KALRN: variants seen among roughly 807,000 people sequenced by gnomAD.
KALRN encodes kalirin.
In KALRN, 70 loss-of-function variants were observed where a neutral mutation model predicts 353.7. That is an observed-to-expected ratio of 0.20 (90% confidence interval 0.16 to 0.24). The LOEUF (loss-of-function observed/expected upper bound fraction) is 0.24, where lower values mean the gene tolerates loss of function less well. KALRN is among the 10% of genes least tolerant of loss of function. KALRN has a pLI of 1.00. For missense variants in KALRN, 2,791 were observed against 3,756.7 expected (o/e 0.74, Z 6.72); for synonymous variants, 1,391 against 1,434.8 (o/e 0.97, Z 0.69).
chr3:124,334,208 C>A lies in KALRN; in HGVS notation c.1417-57C>A. 1 of 1,445,326 alleles carries A rather than the reference C, an allele frequency of 6.9e-7. No homozygotes were observed. The highest frequency in any genetic ancestry group is 1.2e-5 in the South Asian group (1 of 86,656). The allele number at this position is 1,445,326 out of a possible 1,614,324, so 89.5% of individuals were successfully genotyped here. On this transcript the variant is annotated intron_variant, in intron 8 of 59. Coordinates refer to ENST00000682506, the MANE Select transcript of KALRN (RefSeq NM_001388419.1). The surrounding 1 kb of genome is among the most constrained non-coding windows in gnomAD (Gnocchi z 4.2). ...CCTCAGGCAGACACTTCCTGCTTCTCTCTGTGCCCTGCCTATCACCCTTTT... is the reference window on the plus strand; with the variant it reads ...CCTCAGGCAGACACTTCCTGCTTCTATCTGTGCCCTGCCTATCACCCTTTT...
intron 37 of KALRN, among the ~76,000 whole-genome samples, chr3:124,645,670 G>A (rs2082628666): frequency 6.6e-6 from 1 of 151,664 alleles, no homozygotes; most frequent in Non-Finnish European, 1.5e-5. Flanking sequence ...GTGCGTGTGT[G>A]TGTGTGTGTA....
chr3:124,411,497 A>T (rs973798412), intron 13 of KALRN, among the ~76,000 whole-genome samples: 2 of 127,178 alleles, frequency 1.6e-5, no homozygotes, highest in African/African-American at 3.0e-5. Context: ...GCTGGAGTGC[A>T]GTAGCATAAT....
In KALRN at chr3:124,658,447, T is replaced by G; in HGVS notation, c.6053T>G (p.Ile2018Ser). 1.9e-6 allele frequency: 3 copies of G among 1,613,706 alleles called. No homozygotes were observed. The highest frequency in any genetic ancestry group is 1.7e-6 in the Non-Finnish European group (2 of 1,179,602). ...CTCTTTCAGGAGCGGAAGCTGCACA[T>G]CTACGTGTGGTATTGTCAGAATAAG... ...LFIKHERKLH[I>S]YVWYCQNKPR... Residue 2018 changes from isoleucine to serine, a missense_variant, in exon 42 of 60, where the codon ATC (isoleucine) becomes AGC (serine). Physicochemically the swap from Ile to Ser is moderately radical, Grantham distance 142. This residue lies in a region of KALRN where 1,065 missense variants were observed against 1,156.4 expected (regional missense o/e 0.92). Coordinates refer to ENST00000682506, the MANE Select transcript of KALRN (RefSeq NM_001388419.1).
chr3:124,317,768 A>C (rs2078956624), intron 6 of KALRN, among the ~76,000 whole-genome samples: 1 of 151,606 alleles, frequency 6.6e-6, no homozygotes, highest in African/African-American at 2.4e-5. Flanking sequence ...GTTGGGGATA[A>C]AATGCTGATA....
chr3:124,659,999 A>G (rs1261097688), intron 43 of KALRN, among the ~76,000 whole-genome samples: 1 of 151,842 alleles, frequency 6.6e-6, no homozygotes, highest in Admixed American at 6.6e-5. Flanking sequence ...TGACACAGTC[A>G]TAGCTCACTG....
intron 1 of KALRN, among the ~76,000 whole-genome samples, chr3:124,157,956 T>A (rs752422267): frequency 6.6e-6 from 1 of 152,174 alleles, no homozygotes; most frequent in Non-Finnish European, 1.5e-5. Context: ...CCTCCTGTGA[T>A]GGAGTACAGA....
chr3:124,295,268 C>T (rs1232213329), intron 5 of KALRN, among the ~76,000 whole-genome samples: 3 of 152,168 alleles, frequency 2.0e-5, no homozygotes, highest in Non-Finnish European at 4.4e-5. Context: ...AGATGTGTAT[C>T]ACCTCTTTGG....
chr3:124,083,938 A>G (rs2060671362), intron 1 of KALRN, among the ~76,000 whole-genome samples: 1 of 152,214 alleles, frequency 6.6e-6, no homozygotes, highest in Admixed American at 6.5e-5. Flanking sequence ...GTCTCATCCT[A>G]TGTGAACAGG....
At chr3:124,408,120 G>A (rs556166279) in intron 13 of KALRN, among the ~76,000 whole-genome samples, 34 of 152,268 alleles carry the variant, frequency 2.2e-4, no homozygotes, top group Non-Finnish European at 3.5e-4. Flanking sequence ...AAGGCAGTGC[G>A]TTTTCTTGCA....
At chr3:124,465,647 C>T (rs570628410) in intron 25 of KALRN, among the ~76,000 whole-genome samples, 10 of 152,182 alleles carry the variant, frequency 6.6e-5, no homozygotes, top group African/African-American at 1.4e-4. Context: ...AATACTTGTC[C>T]GAAATTGTCA....
chr3:124,667,622 C>A (rs1480156369), intron 47 of KALRN, among the ~76,000 whole-genome samples: 1 of 152,218 alleles, frequency 6.6e-6, no homozygotes, highest in Non-Finnish European at 1.5e-5. Context: ...CTGCTCCCAA[C>A]AGTGTGAGAG....
intron 6 of KALRN, among the ~76,000 whole-genome samples, chr3:124,309,688 G>A (rs1330947676): frequency 1.3e-5 from 2 of 151,958 alleles, no homozygotes; most frequent in African/African-American, 4.8e-5. Context: ...CAAAAATCAT[G>A]TGATCATCTC....
At chr3:124,474,548 G>A (rs1213979878) in intron 25 of KALRN, 115 bp from the exon 26 acceptor site, 5 of 786,184 alleles carry the variant, frequency 6.4e-6, no homozygotes, top group African/African-American at 3.4e-5. Context: ...CACTTAGACA[G>A]TAGAGAAGCC....
At chr3:124,698,036 G>A (rs911305868) in intron 55 of KALRN, among the ~76,000 whole-genome samples, 2 of 152,046 alleles carry the variant, frequency 1.3e-5, no homozygotes, top group African/African-American at 4.8e-5. Context: ...GTGGTGCAAT[G>A]TGGGCTCACT....
chr3:124,327,139 T>A (rs2079998934), intron 7 of KALRN, among the ~76,000 whole-genome samples: 1 of 152,208 alleles, frequency 6.6e-6, no homozygotes, highest in South Asian at 2.1e-4. Flanking sequence ...GCTTTATTGT[T>A]GCCTAGAGTC....
intron 3 of KALRN, among the ~76,000 whole-genome samples, chr3:124,249,851 C>T (rs1175377386): frequency 1.3e-5 from 2 of 152,230 alleles, no homozygotes. Flanking sequence ...GCTCTTTGAC[C>T]TCCCTTGTAA....
At chr3:124,036,442 A>G (rs142306499) in intron 1 of KALRN, among the ~76,000 whole-genome samples, 191 of 150,612 alleles carry the variant, frequency 1.3e-3, no homozygotes, top group African/African-American at 4.6e-3. Flanking sequence ...TACATGTACC[A>G]CATTTTCTTT....
At chr3:124,356,315 T>TC (rs2083398781) in intron 10 of KALRN, among the ~76,000 whole-genome samples, 1 of 128,514 alleles carries the variant, frequency 7.8e-6, no homozygotes, top group Admixed American at 9.5e-5. Flanking sequence ...TTGTTCTCTT[T>TC]TTTTTTTCTT....
intron 34 of KALRN, among the ~76,000 whole-genome samples, chr3:124,593,620 G>A (rs2076011076): frequency 6.6e-6 from 1 of 152,028 alleles, no homozygotes; most frequent in South Asian, 2.1e-4. Flanking sequence ...CCCAGCTCCA[G>A]CAAAACATTC....
Sources: allele counts gnomAD v4.1 joint callset (sites outside exome capture counted in the v4.1 genomes callset), GRCh38; gene constraint gnomAD v4.1.1; regional missense constraint gnomAD v4.1.1; non-coding constraint Gnocchi (gnomAD v3.1); transcripts MANE v1.5; gene names NCBI Gene and HGNC (gene_info 2026-07-23, HGNC 2026-07-21).